CFAP65: variants seen among roughly 807,000 people sequenced by gnomAD.
CFAP65 encodes the protein cilia- and flagella-associated protein 65.
In CFAP65, 155 loss-of-function variants were observed where a neutral mutation model predicts 208.0. The observed-to-expected ratio is 0.75, with a 90% confidence interval of 0.65 to 0.85. The LOEUF is 0.85. Ranked by LOEUF, CFAP65 falls within the 40% of genes least tolerant of loss-of-function variation. The pLI is 0.00. For synonymous variants in CFAP65, 970 were observed against 986.3 expected (o/e 0.98, Z 0.31); for missense variants, 2,294 against 2,451.3 (o/e 0.94, Z 1.36).
chr2:219,038,701 G>T, intron 3 of CFAP65, 123 bp from the exon 4 acceptor site: 1 of 1,134,508 alleles, frequency 8.8e-7, no homozygotes, highest in Non-Finnish European at 1.3e-6. Context: ...CTGGCAACAG[G>T]TGCTACCTGG....
chr2:219,005,104 A>C (rs1345980855), intron 32 of CFAP65, among the ~76,000 whole-genome samples: 1 of 151,864 alleles, frequency 6.6e-6, no homozygotes, highest in Non-Finnish European at 1.5e-5. Context: ...CTCTCAGTTA[A>C]TTAAGCTAAT....
At chr2:219,025,102 T>C (rs1043204888) in intron 14 of CFAP65, among the ~76,000 whole-genome samples, 2 of 152,110 alleles carry the variant, frequency 1.3e-5, no homozygotes, top group Non-Finnish European at 2.9e-5. Flanking sequence ...AAACCTGCAA[T>C]CCCTGACCAG....
chr2:219,021,126 C>A (rs1395934795), intron 19 of CFAP65, 26 bp downstream of exon 19: 4 of 1,481,944 alleles, frequency 2.7e-6, no homozygotes, highest in Admixed American at 2.2e-5. Context: ...CCGGCCCCGA[C>A]TCTCTATGCC....
chr2:219,040,498 C>G (rs1948601077), intron 2 of CFAP65, 21 bp downstream of exon 2: 1 of 1,264,058 alleles, frequency 7.9e-7, no homozygotes, highest in South Asian at 1.3e-5. Context: ...AGGCACCAGA[C>G]AAGGCAGGCA....
intron 21 of CFAP65, among the ~76,000 whole-genome samples, chr2:219,016,979 C>T (rs919106222): frequency 6.6e-6 from 1 of 152,250 alleles, no homozygotes; most frequent in African/African-American, 2.4e-5. Flanking sequence ...ACCTTTCTGC[C>T]TTTTCCCGCG....
chr2:219,003,914 C>T lies in CFAP65; in HGVS notation c.5555+38G>A, dbSNP rs750424298. The T allele has an allele frequency of 1.1e-5, 17 of 1,578,744 alleles. No homozygotes were observed. Among genetic ancestry groups the T allele is most frequent in the East Asian group, 2.2e-5 (1 of 44,604 alleles). On this transcript the variant is annotated intron_variant, in intron 33 of 34. Transcript: ENST00000341552. This position sits in a 1 kb window ranked among gnomAD's most constrained non-coding sequence, Gnocchi z 4.4. ...TGCCTCCTAGGAACCTTCTGCACTT[C>T]GCCTCCCTCCCGTCCTCACTGGGGC...
chr2:219,009,241 A>G, intron 28 of CFAP65, 87 bp from the exon 29 acceptor site: 1 of 1,473,342 alleles, frequency 6.8e-7, no homozygotes, highest in South Asian at 1.1e-5. Flanking sequence ...CCAAGGGCTG[A>G]CTTCTGCCTT....
At position 219,019,570 on chromosome 2, in the gene CFAP65, T is replaced by C; in HGVS notation, c.3409A>G (p.Asn1137Asp). 6.2e-7 allele frequency: 1 copy of C among 1,613,696 alleles called. No homozygotes were observed. ...LWRLFSLDLLNSYLERDPTPC... is the reference protein window; with the variant it reads ...LWRLFSLDLLDSYLERDPTPC... The stretch of plus-strand genomic sequence containing the variant: ...GTGGGGTCACGCTCCAAGTAACTGT[T>C]AAGCAGGTCCAGAGAGAAGAGGCGC... The change falls in exon 20 of 35, where the codon AAC (asparagine) becomes GAC (aspartate). Residue 1137 changes from asparagine (N) to aspartate (D), a missense_variant. Coordinates refer to ENST00000341552, the MANE Select transcript of CFAP65 (RefSeq NM_194302.4).
intron 24 of CFAP65, among the ~76,000 whole-genome samples, chr2:219,012,901 A>C (rs967138653): frequency 2.7e-4 from 41 of 152,246 alleles, no homozygotes; most frequent in Non-Finnish European, 5.9e-5. Flanking sequence ...AATTTGCAGT[A>C]ATTCTACTTT....
intron 14 of CFAP65, among the ~76,000 whole-genome samples, chr2:219,024,478 G>GAT (rs1947493615): frequency 7.2e-6 from 1 of 139,136 alleles, no homozygotes; most frequent in African/African-American, 2.6e-5. Context: ...AAAGGGGCGG[G>GAT]GGGGGGGCAG....
chr2:219,030,137 C>G lies in CFAP65; in HGVS notation c.1233G>C (p.Thr411=). 6.2e-7 allele frequency: 1 copy of G among 1,614,116 alleles called. No individual in the cohort carries two copies. Among genetic ancestry groups the G allele is most frequent in the Middle Eastern group, 1.6e-4 (1 of 6,062 alleles). The change falls in exon 10 of 35, where the codon ACG becomes ACC. Residue 411 remains threonine (T), a synonymous_variant. Coordinates refer to ENST00000341552, the MANE Select transcript of CFAP65 (RefSeq NM_194302.4). ...LAEDQAFSCP[T]AHGIVLPGEK... ...CTCCCGGAAGCACGATGCCATGGGC[C>G]GTGGGGCATGAGAAGGCCTGGTCTT... is the stretch of plus-strand genomic sequence containing the variant.
In CFAP65 at chr2:219,013,359, A is replaced by G. The variant is rs772537790; in HGVS notation, c.3857T>C (p.Ile1286Thr). Residue 1286 changes from isoleucine (I) to threonine (T), a missense_variant, in exon 24 of 35, where the codon ATA becomes ACA. Ile to Thr is a moderately conservative substitution (Grantham distance 89). Coordinates refer to ENST00000341552, the MANE Select transcript of CFAP65 (RefSeq NM_194302.4). ...SHGREILLNF[I>T]GVTVKPEQKY... Reference sequence around the variant, plus strand: ...CTGCTCCGGCTTCACTGTCACACCTATGAAATTTAGCTGGAAATAAAAGTT... The same window carrying G: ...CTGCTCCGGCTTCACTGTCACACCTGTGAAATTTAGCTGGAAATAAAAGTT... 32 of 1,612,532 alleles carry G rather than the reference A, an allele frequency of 2.0e-5. No homozygotes were observed. Among genetic ancestry groups the G allele is most frequent in the South Asian group, 3.3e-5 (3 of 90,724 alleles).
Position 219,030,704 on chromosome 2 carries a change from T to C in CFAP65, c.1146A>G (p.Leu382=), listed in dbSNP as rs749655253. ...TGGTGCCTACCGCCGACGGGTTGTG[T>C]AGCCTGATCTGCCTCTCCGAGGTGC... ...VGCTSERQIR[L]HNPSAVNAPF... is the part of the protein sequence containing the mutation. The change falls in exon 9 of 35, where the codon CTA becomes CTG. Residue 382 remains leucine, a synonymous_variant. Coordinates refer to ENST00000341552, the MANE Select transcript of CFAP65 (RefSeq NM_194302.4). 1 of 1,613,964 alleles carries C rather than the reference T, an allele frequency of 6.2e-7. No individual in the cohort carries two copies. Among genetic ancestry groups the C allele is most frequent in the Non-Finnish European group, 8.5e-7 (1 of 1,179,858 alleles).
intron 13 of CFAP65, 86 bp from the exon 14 acceptor site, chr2:219,026,245 G>C: frequency 6.9e-7 from 1 of 1,439,008 alleles, no homozygotes; most frequent in East Asian, 2.4e-5. Context: ...TTGCCCTTGT[G>C]CTGCAGGAGT....
intron 22 of CFAP65, 26 bp from the exon 23 acceptor site, chr2:219,013,611 A>G (rs780611093): frequency 1.3e-6 from 2 of 1,579,774 alleles, no homozygotes; most frequent in East Asian, 2.3e-5. Context: ...TAAGTCTGGG[A>G]GTGAGTTCTG....
chr2:219,009,276 G>A, intron 28 of CFAP65, 71 bp downstream of exon 28: 1 of 1,450,344 alleles, frequency 6.9e-7, no homozygotes, highest in Non-Finnish European at 9.7e-7. Flanking sequence ...GGATCTCACA[G>A]CCCATCACAC....
intron 14 of CFAP65, among the ~76,000 whole-genome samples, chr2:219,025,308 G>A (rs1340572754): frequency 1.3e-5 from 2 of 152,202 alleles, no homozygotes; most frequent in East Asian, 3.9e-4. Flanking sequence ...TGAATCTTGG[G>A]GTGGTATATG....
chr2:219,030,827 G>A lies in CFAP65; in HGVS notation c.1023C>T (p.Cys341=), dbSNP rs375597036. ...GCTTTATGCTCACCAGCAGCTGGGC[G>A]CACTTGGCTGGGGCAGAGATGGGGG... ...SSIQLQAVAK[C]AQLLVSIKHK... is the part of the protein sequence containing the mutation. Residue 341 remains cysteine (C), a synonymous_variant, in exon 9 of 35, where the codon TGC becomes TGT. Transcript: ENST00000341552. 80 of 1,613,440 alleles carry A rather than the reference G, an allele frequency of 5.0e-5. 1 individual carries two copies. The South Asian group carries it at 6.0e-4, about 12-fold the overall frequency.
At chr2:219,016,439 T>C (rs554380453) in intron 21 of CFAP65, among the ~76,000 whole-genome samples, 80 of 151,880 alleles carry the variant, frequency 5.3e-4, no homozygotes, top group Non-Finnish European at 9.4e-4. Flanking sequence ...GGATTACAGG[T>C]GTGCACCACC....
Sources: gnomAD v4.1 joint callset for allele counts (sites outside exome capture counted in the v4.1 genomes callset) on GRCh38, gnomAD v4.1.1 for gene constraint, Gnocchi (gnomAD v3.1) non-coding constraint, MANE v1.5 for transcripts, NCBI Gene and HGNC (gene_info 2026-07-23, HGNC 2026-07-21) for gene names.